PIGG: variants seen among roughly 807,000 people sequenced by gnomAD.
PIGG encodes the protein GPI ethanolamine phosphate transferase 2, catalytic subunit.
PIGG carries 70 observed loss-of-function variants against 83.2 expected under a neutral mutation model. The ratio of observed to expected loss-of-function variants is 0.84; its 90% CI spans 0.69 to 1.03. The LOEUF (loss-of-function observed/expected upper bound fraction) is 1.03, where lower values mean the gene tolerates loss of function less well. Among genes scored for constraint, PIGG ranks in the 50% least tolerant of loss-of-function variants. The pLI is 0.00. For synonymous variants in PIGG, 532 were observed against 519.5 expected (o/e 1.02, Z -0.33); for missense variants, 1,257 against 1,233.6 (o/e 1.02, Z -0.28).
In PIGG at chr4:528,899, A is replaced by G. The variant is rs1048404800; in HGVS notation, c.2262-1537A>G. Among the ~76,000 whole-genome samples the G allele has an allele frequency of 1.3e-5, 2 of 152,114 alleles. No homozygotes were observed. Among genetic ancestry groups the G allele is most frequent in the African/African-American group, 4.8e-5 (2 of 41,502 alleles). Reference sequence around the variant, plus strand: ...TAAAGTGCCTCCGTCCTTTGTCCCCATCTGTCCCGATCGTAAATAGGTCCT... The same window carrying G: ...TAAAGTGCCTCCGTCCTTTGTCCCCGTCTGTCCCGATCGTAAATAGGTCCT... On this transcript the variant is annotated intron_variant, in intron 10 of 12. Transcript: ENST00000453061. The surrounding 1 kb of genome is among the most constrained non-coding windows in gnomAD (Gnocchi z 4.8).
chr4:503,243 G>A (rs1238661162), intron 2 of PIGG, among the ~76,000 whole-genome samples: 1 of 152,150 alleles, frequency 6.6e-6, no homozygotes, highest in African/African-American at 2.4e-5. Context: ...GCTCCAGCCT[G>A]AACTGTTATA....
chr4:500,894 T>A (rs566803888), intron 2 of PIGG, among the ~76,000 whole-genome samples: 1 of 152,352 alleles, frequency 6.6e-6, no homozygotes, highest in South Asian at 2.1e-4. Flanking sequence ...GGTGACCTGC[T>A]TTCTTCTTTA....
chr4:521,365 A>G (rs917958305), intron 7 of PIGG, 92 bp downstream of exon 7: 62 of 815,996 alleles, frequency 7.6e-5, no homozygotes, highest in Non-Finnish European at 9.9e-5. Context: ...TATAGGTGTT[A>G]TTAAAAATGG....
At chr4:537,396 C>T (rs1380239249) in intron 12 of PIGG, 1 of 151,356 alleles carries the variant, frequency 6.6e-6, no homozygotes, top group Non-Finnish European at 1.5e-5. Context: ...AAACTGAAGT[C>T]AAGGTGGTGC....
At chr4:536,595 T>A (rs1006611084) in intron 12 of PIGG, 1 of 152,274 alleles carries the variant, frequency 6.6e-6, no homozygotes, top group African/African-American at 2.4e-5. Flanking sequence ...CGTCCGCCTG[T>A]CTCAGCAGCT....
Position 523,512 on chromosome 4 carries a change from G to A in PIGG, c.1668G>A (p.Leu556=). Residue 556 remains leucine (L), a synonymous_variant, in exon 9 of 13, where the codon TTG becomes TTA. Coordinates refer to ENST00000453061, the MANE Select transcript of PIGG (RefSeq NM_001127178.3). ...CAGAGCTAGACCTTCTTATTCTGTT[G>A]GGGACGGCGGGCCACGTCTTGAGCC... ...RWSELDLLIL[L]GTAGHVLSLG... 1.2e-6 allele frequency: 2 copies of A among 1,614,130 alleles called. No individual in the cohort carries two copies. Among genetic ancestry groups the A allele is most frequent in the Non-Finnish European group, 8.5e-7 (1 of 1,180,020 alleles).
At chr4:516,905 A>AAGTG (rs1487290525) in intron 6 of PIGG, among the ~76,000 whole-genome samples, 6 of 148,118 alleles carry the variant, frequency 4.1e-5, no homozygotes, top group Admixed American at 4.0e-4. Context: ...GTGGGGTGGG[A>AAGTG]AGTGAAGCGG....
chr4:500,080 G>C (rs1187391867), intron 1 of PIGG: 1 of 322,870 alleles, frequency 3.1e-6, no homozygotes, highest in African/African-American at 2.1e-5. Flanking sequence ...CGTAGCTGCA[G>C]CTCTGCGTTT....
chr4:529,864 C>G (rs560965523), intron 10 of PIGG, among the ~76,000 whole-genome samples: 1 of 152,190 alleles, frequency 6.6e-6, no homozygotes, highest in African/African-American at 2.4e-5. Flanking sequence ...CAGCAGGGCT[C>G]GGACTGAGCA....
Position 523,899 on chromosome 4 carries a change from C to A in PIGG, c.2055C>A (p.Gly685=). Residue 685 remains glycine (G), a synonymous_variant, in exon 9 of 13, where the codon GGC becomes GGA. Transcript: ENST00000453061. ...GVQWAHRPDL[G]HWLTSSDHKA... ...AGTGGGCTCACCGGCCTGACCTCGG[C>A]CACTGGCTCACCAGGTGAGAGCGTA... The A allele has an allele frequency of 6.5e-7, 1 of 1,528,968 alleles. No individual in the cohort carries two copies. Among genetic ancestry groups the A allele is most frequent in the South Asian group, 1.2e-5 (1 of 82,654 alleles). 94.7% of individuals were successfully genotyped at this position (1,528,968 alleles called of 1,614,324 possible).
In PIGG at chr4:499,344, G is replaced by A; in HGVS notation, c.9G>A (p.Leu3=). 1 of 1,608,238 alleles carries A rather than the reference G, an allele frequency of 6.2e-7. No homozygotes were observed. MR[L]GSGTFATCCV... ...AGCCTAGCGTGTCCACGATGCGGCT[G>A]GGCTCCGGGACTTTCGCTACCTGTT... The change falls in exon 1 of 13, where the codon CTG becomes CTA. Residue 3 remains leucine (L), a synonymous_variant. Transcript: ENST00000453061.
At chr4:512,608 A>G (rs1488502012) in intron 5 of PIGG, among the ~76,000 whole-genome samples, 4 of 151,882 alleles carry the variant, frequency 2.6e-5, no homozygotes, top group Admixed American at 1.3e-4. Flanking sequence ...CAAGGGCAGA[A>G]GTTCGAGACC....
At chr4:517,300 G>A (rs2108898194) in intron 6 of PIGG, among the ~76,000 whole-genome samples, 1 of 152,294 alleles carries the variant, frequency 6.6e-6, no homozygotes, top group South Asian at 2.1e-4. Flanking sequence ...GGCAAGGGTG[G>A]TGAAGAAGTG....
In PIGG at chr4:499,466, C is replaced by T. The variant is rs1192177850; in HGVS notation, c.131C>T (p.Pro44Leu). 3 of 1,600,612 alleles carry T rather than the reference C, an allele frequency of 1.9e-6. No individual in the cohort carries two copies. Among genetic ancestry groups the T allele is most frequent in the East Asian group, 4.5e-5 (2 of 44,758 alleles). Residue 44 changes from proline (P) to leucine (L), a missense_variant, in exon 1 of 13, where the codon CCC becomes CTC. Pro to Leu is a moderately conservative substitution (Grantham distance 98). Coordinates refer to ENST00000453061, the MANE Select transcript of PIGG (RefSeq NM_001127178.3). The part of the protein sequence containing the change: ...SSARAEHGAE[P>L]PAPEPSAGAS... ...GCCAGAGCGGAACACGGAGCGGAGC[C>T]CCCAGCGCCCGAACCCTCGGCTGGT...
intron 11 of PIGG, 113 bp from the exon 12 acceptor site, chr4:533,705 T>C (rs1161973850): frequency 3.1e-6 from 3 of 956,812 alleles, no homozygotes; most frequent in Non-Finnish European, 4.9e-6. Context: ...CGTGCCGGCG[T>C]GGTTATCTGG....
chr4:514,607 A>G (rs1235584632), intron 5 of PIGG, among the ~76,000 whole-genome samples: 1 of 152,212 alleles, frequency 6.6e-6, no homozygotes, highest in Non-Finnish European at 1.5e-5. Context: ...GTGGTTGGTC[A>G]TTGTTTCTAG....
rs749995536 is a variant in PIGG, at chr4:508,929, C to T, written c.860C>T (p.Thr287Ile). 242 of 1,613,516 alleles carry T rather than the reference C, an allele frequency of 1.5e-4. No homozygotes were observed. Among genetic ancestry groups the T allele is most frequent in the Non-Finnish European group, 1.9e-4 (227 of 1,179,558 alleles). ...HGASSTEEVN[T>I]PLILISSAFE... ...GCCTCCTCCACCGAGGAGGTGAATA[C>T]ACCTCTGATTTTAATCAGTTCTGCG... The change falls in exon 5 of 13, where the codon ACA (threonine) becomes ATA (isoleucine). Residue 287 changes from threonine (T) to isoleucine (I), a missense_variant. Transcript: ENST00000453061.
chr4:515,202 T>TG lies in PIGG; in HGVS notation c.902-770dup, dbSNP rs1305073105. ...CTGTGGCCTCTTGGCGCCCTGCCGG[T>TG]GTACGTTGAATTCCAGGGTGTGGAG... is the stretch of plus-strand genomic sequence containing the variant. On this transcript the variant is annotated intron_variant, in intron 5 of 12. Coordinates refer to ENST00000453061, the MANE Select transcript of PIGG (RefSeq NM_001127178.3). This position sits in a 1 kb window ranked among gnomAD's most constrained non-coding sequence, Gnocchi z 4.2. Among the ~76,000 whole-genome samples, 6 of 152,244 alleles carry TG rather than the reference T, an allele frequency of 3.9e-5. No individual in the cohort carries two copies. Among genetic ancestry groups the TG allele is most frequent in the Admixed American group, 3.9e-4 (6 of 15,288 alleles).
chr4:507,583 T>C lies in PIGG; in HGVS notation c.749T>C (p.Leu250Pro), dbSNP rs782783300. Residue 250 changes from leucine (L) to proline (P), a missense_variant, in exon 4 of 13, where the codon CTG becomes CCG. Physicochemically the swap from Leu to Pro is moderately conservative, Grantham distance 98. Coordinates refer to ENST00000453061, the MANE Select transcript of PIGG (RefSeq NM_001127178.3). The part of the protein sequence containing the change: ...DSVLMKIHTS[L>P]QSKERETPLP... ...GTGCTGATGAAGATCCACACCTCAC[T>C]GCAGTCGAAGGTGAGGCTCGCCGTC... 3 of 1,611,782 alleles carry C rather than the reference T, an allele frequency of 1.9e-6. No homozygotes were observed. In the African/African-American group the frequency reaches 4.0e-5, roughly 22 times the overall value.
Sources: allele counts gnomAD v4.1 joint callset (sites outside exome capture counted in the v4.1 genomes callset), GRCh38; gene constraint gnomAD v4.1.1; non-coding constraint Gnocchi (gnomAD v3.1); transcripts MANE v1.5; gene names NCBI Gene and HGNC (gene_info 2026-07-23, HGNC 2026-07-21).